Variants in GRID2 observed in about 807,000 individuals in gnomAD.
GRID2 encodes the protein glutamate receptor ionotropic, delta-2.
A neutral mutation model predicts 114.8 loss-of-function variants in GRID2; 33 were observed. The ratio of observed to expected loss-of-function variants is 0.29; its 90% confidence interval spans 0.22 to 0.38. The LOEUF (loss-of-function observed/expected upper bound fraction) is 0.38, where lower values mean the gene tolerates loss of function less well. Among genes scored for constraint, GRID2 ranks in the 10% least tolerant of loss-of-function variants. The pLI is 1.00. For synonymous variants in GRID2, 505 were observed against 449.9 expected (o/e 1.12, Z -1.55); for missense variants, 1,184 against 1,257.7 (o/e 0.94, Z 0.89).
intron 2 of GRID2, among the ~76,000 whole-genome samples, chr4:92,959,075 TC>T (rs1166698650): frequency 2.0e-5 from 3 of 149,746 alleles, no homozygotes; most frequent in Non-Finnish European, 4.4e-5. Flanking sequence ...TTTTTTTTTT[TC>T]CTTAGCCTGG....
chr4:92,944,493 A>G (rs1444626018), intron 2 of GRID2, among the ~76,000 whole-genome samples: 2 of 152,146 alleles, frequency 1.3e-5, no homozygotes, highest in African/African-American at 2.4e-5. Flanking sequence ...TTGACTAGGA[A>G]AGGGAATTCC....
intron 1 of GRID2, among the ~76,000 whole-genome samples, chr4:92,529,547 T>C (rs554976059): frequency 6.6e-6 from 1 of 152,004 alleles, no homozygotes; most frequent in Non-Finnish European, 1.5e-5. Flanking sequence ...TGTGAAAACA[T>C]ACTGCAAGTT....
intron 1 of GRID2, among the ~76,000 whole-genome samples, chr4:92,416,601 C>CAGCT (rs1291252955): frequency 1.3e-5 from 2 of 152,122 alleles, no homozygotes; most frequent in African/African-American, 4.8e-5. Flanking sequence ...AATGAGGATC[C>CAGCT]AGCTCTATTC....
At chr4:92,424,932 G>A (rs1006570569) in intron 1 of GRID2, among the ~76,000 whole-genome samples, 3 of 151,746 alleles carry the variant, frequency 2.0e-5, no homozygotes, top group Non-Finnish European at 2.9e-5. Flanking sequence ...TTTAATGAAT[G>A]GAAAAAACAT....
intron 2 of GRID2, among the ~76,000 whole-genome samples, chr4:92,754,006 C>T (rs933128189): frequency 2.0e-5 from 3 of 152,194 alleles, no homozygotes; most frequent in Admixed American, 1.3e-4. Flanking sequence ...TGTTCTCCAT[C>T]ATTTCCAAAA....
intron 2 of GRID2, among the ~76,000 whole-genome samples, chr4:92,699,666 A>G (rs1268561893): frequency 2.6e-5 from 4 of 152,244 alleles, no homozygotes; most frequent in Middle Eastern, 3.4e-3. Flanking sequence ...ATCAAGCACA[A>G]TTTTTATCTA....
intron 2 of GRID2, among the ~76,000 whole-genome samples, chr4:92,698,532 A>G (rs1256734346): frequency 1.3e-5 from 2 of 152,002 alleles, no homozygotes; most frequent in Non-Finnish European, 1.5e-5. Context: ...TTATGACTTA[A>G]CTGTATATAA....
At chr4:92,992,948 T>C (rs768193781) in intron 2 of GRID2, among the ~76,000 whole-genome samples, 1 of 152,090 alleles carries the variant, frequency 6.6e-6, no homozygotes, top group Non-Finnish European at 1.5e-5. Context: ...CTAGCAGTAA[T>C]AAAACTCTTG....
intron 14 of GRID2, among the ~76,000 whole-genome samples, chr4:93,695,277 G>A (rs765814516): frequency 6.6e-6 from 1 of 152,022 alleles, no homozygotes; most frequent in Non-Finnish European, 1.5e-5. Flanking sequence ...TCAACCTCGT[G>A]TATTTTTTAA....
At chr4:93,748,536 G>T (rs1271016990) in intron 14 of GRID2, among the ~76,000 whole-genome samples, 4 of 152,178 alleles carry the variant, frequency 2.6e-5, no homozygotes, top group Non-Finnish European at 5.9e-5. Context: ...TCTTTGAACA[G>T]GCGTCTAGAG....
At chr4:93,587,970 A>G (rs529187880) in intron 13 of GRID2, among the ~76,000 whole-genome samples, 20 of 152,282 alleles carry the variant, frequency 1.3e-4, no homozygotes, top group Non-Finnish European at 2.5e-4. Flanking sequence ...TGATCCAAGA[A>G]TCCAGAGATA....
chr4:93,092,891 G>A (rs536782613), intron 3 of GRID2, among the ~76,000 whole-genome samples: 2 of 151,878 alleles, frequency 1.3e-5, no homozygotes, highest in Admixed American at 1.3e-4. Context: ...CCATGGAGGA[G>A]AGTATTGTAC....
At chr4:92,883,151 T>A (rs1293873414) in intron 2 of GRID2, among the ~76,000 whole-genome samples, 2 of 152,224 alleles carry the variant, frequency 1.3e-5, no homozygotes, top group Non-Finnish European at 2.9e-5. Flanking sequence ...ATATTTGAAA[T>A]CCTCTATTGT....
chr4:92,476,375 A>T (rs994446839), intron 1 of GRID2, among the ~76,000 whole-genome samples: 3 of 152,188 alleles, frequency 2.0e-5, no homozygotes, highest in Admixed American at 2.0e-4. Context: ...CTAAAAGTTT[A>T]AAAAATATTG....
intron 2 of GRID2, among the ~76,000 whole-genome samples, chr4:92,638,591 C>T (rs964078867): frequency 2.0e-5 from 3 of 148,908 alleles, no homozygotes; most frequent in Non-Finnish European, 3.0e-5. Flanking sequence ...TAATGAAATT[C>T]GAGAGTACTA....
intron 2 of GRID2, among the ~76,000 whole-genome samples, chr4:92,980,170 A>G (rs1447334569): frequency 6.6e-6 from 1 of 152,070 alleles, no homozygotes; most frequent in East Asian, 1.9e-4. Context: ...TGACTATTTT[A>G]TCTTTACATT....
At chr4:93,334,556 G>A (rs185642959) in intron 8 of GRID2, among the ~76,000 whole-genome samples, 2 of 152,160 alleles carry the variant, frequency 1.3e-5, no homozygotes, top group Non-Finnish European at 2.9e-5. Context: ...AGGATCTGGT[G>A]GTTATATTGG....
At chr4:92,805,517 C>T (rs138885401) in intron 2 of GRID2, among the ~76,000 whole-genome samples, 159 of 152,012 alleles carry the variant, frequency 1.0e-3, no homozygotes, top group Admixed American at 6.3e-3. Context: ...ATATGATCAG[C>T]GATTTTTATG....
chr4:93,124,782 C>T (rs1734122232), intron 4 of GRID2, among the ~76,000 whole-genome samples: 1 of 152,080 alleles, frequency 6.6e-6, no homozygotes, highest in South Asian at 2.1e-4. Context: ...AAAAAACTGT[C>T]TTGACAGAGC....
Sources: gnomAD v4.1 joint callset for allele counts (sites outside exome capture counted in the v4.1 genomes callset) on GRCh38, gnomAD v4.1.1 for gene constraint, MANE v1.5 for transcripts, NCBI Gene and HGNC (gene_info 2026-07-23, HGNC 2026-07-21) for gene names.